RALGPS1: variants seen among roughly 807,000 people sequenced by gnomAD.
The protein encoded by RALGPS1 is Ral GEF with PH domain and SH3 binding motif 1, also known as ras-specific guanine nucleotide-releasing factor RalGPS1.
A neutral mutation model predicts 78.8 loss-of-function variants in RALGPS1; 19 were observed. The ratio of observed to expected loss-of-function variants is 0.24; its 90% CI spans 0.17 to 0.35. The LOEUF (loss-of-function observed/expected upper bound fraction) is 0.35. Ranked by LOEUF, RALGPS1 falls within the 10% of genes least tolerant of loss-of-function variation. The pLI is 1.00. For synonymous variants in RALGPS1, 228 were observed against 256.3 expected (o/e 0.89, Z 1.06); for missense variants, 454 against 688.3 (o/e 0.66, Z 3.81).
At chr9:127,102,521 T>A (rs1389004617) in intron 8 of RALGPS1, among the ~76,000 whole-genome samples, 6 of 152,200 alleles carry the variant, frequency 3.9e-5, no homozygotes, top group African/African-American at 1.4e-4. Flanking sequence ...AGATCCCAGA[T>A]CTCAAGATTT....
chr9:127,193,406 G>A (rs2061182703), intron 11 of RALGPS1, among the ~76,000 whole-genome samples: 1 of 152,180 alleles, frequency 6.6e-6, no homozygotes, highest in African/African-American at 2.4e-5. Context: ...TTAATAAAGG[G>A]ATTGGTGGGG....
chr9:126,926,105 A>G (rs1249288461), intron 1 of RALGPS1, among the ~76,000 whole-genome samples: 3 of 152,204 alleles, frequency 2.0e-5, no homozygotes, highest in African/African-American at 7.2e-5. Context: ...CTGAAACATT[A>G]CCTGTGGTTT....
intron 8 of RALGPS1, among the ~76,000 whole-genome samples, chr9:127,110,776 C>T (rs902477608): frequency 6.6e-6 from 1 of 152,154 alleles, no homozygotes; most frequent in Non-Finnish European, 1.5e-5. Flanking sequence ...TAATTCACCG[C>T]CAAATTACGA....
chr9:127,116,154 T>C lies in RALGPS1; in HGVS notation c.610+46798T>C, dbSNP rs1589572269. On this transcript the variant is annotated intron_variant, in intron 8 of 18. Transcript: ENST00000259351. ...TACCTGTCATGGGTGATGGGAGCCA[T>C]GAGTCAGAGAAGCAGGGTAAGACAG... Among the ~76,000 whole-genome samples the C allele has an allele frequency of 1.3e-5, 2 of 152,168 alleles. 1 individual carries two copies.
chr9:126,965,888 T>A lies in RALGPS1; in HGVS notation c.102T>A (p.Tyr34Ter). The change falls in exon 3 of 19, where the codon TAT (tyrosine) becomes TAA (stop). Residue 34 changes from tyrosine (Y) to a stop codon, truncating the protein, a stop_gained. Transcript: ENST00000259351. LOFTEE classifies it high-confidence loss of function. ...SDSLEGQSCD[Y>*]ASKSYDAVVF... ...CTCTGGAGGGCCAGAGCTGCGACTA[T>A]GCCAGCAAGAGCTATGATGCCGTTG... 6.2e-7 allele frequency: 1 copy of A among 1,614,164 alleles called. No individual in the cohort carries two copies.
In RALGPS1 at chr9:127,184,012, G is replaced by A. The variant is rs201806488; in HGVS notation, c.910+9230G>A. The A allele has an allele frequency of 8.0e-5, 124 of 1,549,624 alleles. No homozygotes were observed. In the Admixed American group the frequency reaches 9.2e-4, roughly 12 times the overall value. ...CAGCATCTGCTGCTCCGCGCTCCCCGTGGCCTAGGAATCTAAGAAATGATC... is the reference window on the plus strand; with the variant it reads ...CAGCATCTGCTGCTCCGCGCTCCCCATGGCCTAGGAATCTAAGAAATGATC... On this transcript the variant is annotated intron_variant, in intron 11 of 18. Transcript: ENST00000259351.
chr9:127,133,456 C>T (rs2057154155), intron 8 of RALGPS1, among the ~76,000 whole-genome samples: 1 of 152,234 alleles, frequency 6.6e-6, no homozygotes, highest in Admixed American at 6.5e-5. Flanking sequence ...GAGGTGGCGT[C>T]CCCGTCTGCA....
intron 3 of RALGPS1, among the ~76,000 whole-genome samples, chr9:126,967,479 C>T (rs1173768973): frequency 6.6e-6 from 1 of 152,170 alleles, no homozygotes; most frequent in Non-Finnish European, 1.5e-5. Flanking sequence ...CATTATCTTT[C>T]TCCTTACTCT....
intron 4 of RALGPS1, among the ~76,000 whole-genome samples, chr9:127,025,891 G>A (rs546100620): frequency 6.6e-6 from 1 of 151,698 alleles, no homozygotes; most frequent in East Asian, 1.9e-4. Flanking sequence ...TTTCTGTAGC[G>A]ACAGGGTTGC....
At chr9:127,107,348 C>T (rs999449154) in intron 8 of RALGPS1, among the ~76,000 whole-genome samples, 45 of 152,240 alleles carry the variant, frequency 3.0e-4, no homozygotes, top group South Asian at 6.2e-4. Context: ...TAAGATGAAA[C>T]GTGTATGTAA....
chr9:127,181,259 C>T (rs1027789515), intron 11 of RALGPS1, among the ~76,000 whole-genome samples: 1 of 152,256 alleles, frequency 6.6e-6, no homozygotes, highest in African/African-American at 2.4e-5. Context: ...TTACGTAATA[C>T]CAGTCATAGC....
At chr9:126,968,846 C>T (rs1209445106) in intron 3 of RALGPS1, among the ~76,000 whole-genome samples, 5 of 152,108 alleles carry the variant, frequency 3.3e-5, no homozygotes, top group Admixed American at 2.0e-4. Context: ...GTCGGGAGTT[C>T]GAGACCAGTT....
At chr9:127,101,218 T>C (rs1264536117) in intron 8 of RALGPS1, among the ~76,000 whole-genome samples, 1 of 152,262 alleles carries the variant, frequency 6.6e-6, no homozygotes, top group Non-Finnish European at 1.5e-5. Context: ...TCACCTGCCA[T>C]GTGCTTTGCA....
chr9:127,146,667 G>T (rs534552497), intron 8 of RALGPS1, among the ~76,000 whole-genome samples: 1 of 151,090 alleles, frequency 6.6e-6, no homozygotes, highest in Non-Finnish European at 1.5e-5. Context: ...CCTTAGTCTC[G>T]TGAGTAGCTG....
At chr9:127,188,832 T>TTAAAAAAAAAAAAAAAAAAAAAAA (rs756481918) in intron 11 of RALGPS1, among the ~76,000 whole-genome samples, 1,523 of 87,232 alleles carry the variant, frequency 0.017, 315 homozygotes, top group Non-Finnish European at 0.025. Flanking sequence ...CCATCTCTAC[T>TTAAAAAAAAAAAAAAAAAAAAAAA]AAAAAAAAAA....
At chr9:126,919,879 C>T (rs532539189) in intron 1 of RALGPS1, among the ~76,000 whole-genome samples, 2 of 152,182 alleles carry the variant, frequency 1.3e-5, no homozygotes, top group South Asian at 2.1e-4. Flanking sequence ...TCGTGGGAGG[C>T]GAGCATTGTG....
At chr9:127,154,355 C>T (rs1201676071) in intron 8 of RALGPS1, among the ~76,000 whole-genome samples, 2 of 152,232 alleles carry the variant, frequency 1.3e-5, no homozygotes, top group African/African-American at 4.8e-5. Flanking sequence ...GGAGGAGCCC[C>T]TGCCCACTGA....
chr9:127,013,101 G>A (rs1399759553), intron 4 of RALGPS1, among the ~76,000 whole-genome samples: 3 of 152,168 alleles, frequency 2.0e-5, no homozygotes, highest in African/African-American at 7.2e-5. Flanking sequence ...ACAAGATAGC[G>A]AGAAATGGCA....
At chr9:127,006,051 G>A (rs1175276187) in intron 4 of RALGPS1, among the ~76,000 whole-genome samples, 3 of 152,154 alleles carry the variant, frequency 2.0e-5, no homozygotes, top group African/African-American at 7.2e-5. Context: ...GGCATCAAAG[G>A]AACATACCTC....
Sources: gnomAD v4.1 joint callset for allele counts (sites outside exome capture counted in the v4.1 genomes callset) on GRCh38, gnomAD v4.1.1 for gene constraint, MANE v1.5 for transcripts, NCBI Gene and HGNC (gene_info 2026-07-23, HGNC 2026-07-21) for gene names.